Variants in PRKCH observed in about 807,000 individuals in gnomAD.
PRKCH encodes the protein protein kinase C eta type.
Under a neutral mutation model 82.5 loss-of-function variants are expected in PRKCH, and 28 were observed. That is an observed-to-expected ratio of 0.34 (90% confidence interval 0.25 to 0.47). PRKCH has a LOEUF of 0.47. PRKCH is among the 20% of genes least tolerant of loss of function. PRKCH has a pLI of 1.00. For missense variants in PRKCH, 705 were observed against 881.8 expected, an observed-to-expected ratio of 0.80 and a Z score of 2.54; for synonymous variants, 322 against 327.4, an observed-to-expected ratio of 0.98 and a Z score of 0.18.
At chr14:61,359,321 G>C (rs117233708) in intron 1 of PRKCH, among the ~76,000 whole-genome samples, 43 of 152,200 alleles carry the variant, frequency 2.8e-4, no homozygotes, top group African/African-American at 1.0e-3. Flanking sequence ...TGAGTTCCTA[G>C]TTCTACATGC....
chr14:61,474,994 CAA>C (rs921743202), intron 9 of PRKCH, among the ~76,000 whole-genome samples: 9 of 152,194 alleles, frequency 5.9e-5, no homozygotes, highest in Non-Finnish European at 8.8e-5. Flanking sequence ...TCTAACTGGG[CAA>C]AGTGTCTAAT....
Position 61,280,323 on chromosome 14 carries a change from C to G in PRKCH, c.-19+92655C>G, listed in dbSNP as rs1007677167. ...GGTAGGCGCCCCGCGGCAGCCCGGC[C>G]GAGTAGTTGCCCTGGCGGATGCGCG... On this transcript the variant is annotated intron_variant, in intron 1 of 3. Transcript: ENST00000555185. This position sits in a 1 kb window ranked among gnomAD's most constrained non-coding sequence, Gnocchi z 5.0. 8.7e-6 allele frequency: 14 copies of G among 1,613,770 alleles called. No individual in the cohort carries two copies. The highest frequency in any genetic ancestry group is 1.2e-5 in the Non-Finnish European group (14 of 1,179,962).
chr14:61,399,005 T>A (rs1458819608), intron 2 of PRKCH, among the ~76,000 whole-genome samples: 1 of 152,210 alleles, frequency 6.6e-6, no homozygotes, highest in African/African-American at 2.4e-5. Flanking sequence ...GTTATTTAGG[T>A]GTGATTGTGG....
At chr14:61,497,974 T>C (rs542584575) in intron 10 of PRKCH, among the ~76,000 whole-genome samples, 2 of 152,268 alleles carry the variant, frequency 1.3e-5, no homozygotes, top group East Asian at 3.9e-4. Flanking sequence ...TGTTCTGTAT[T>C]GAACAAGTGT....
chr14:61,196,870 C>G (rs1412983114), intron 1 of PRKCH, among the ~76,000 whole-genome samples: 2 of 152,152 alleles, frequency 1.3e-5, no homozygotes, highest in East Asian at 1.9e-4. Context: ...GTCTATTCAT[C>G]TTTTTTATTA....
intron 10 of PRKCH, among the ~76,000 whole-genome samples, chr14:61,506,069 C>T (rs1265156061): frequency 1.3e-5 from 2 of 152,104 alleles, no homozygotes; most frequent in Admixed American, 6.5e-5. Context: ...TCAATGCCTA[C>T]CAGGCCTGGT....
At chr14:61,406,794 T>C (rs1156439374) in intron 2 of PRKCH, among the ~76,000 whole-genome samples, 1 of 152,200 alleles carries the variant, frequency 6.6e-6, no homozygotes, top group Non-Finnish European at 1.5e-5. Context: ...TTTCTCAGCA[T>C]TGTGCCGAGC....
chr14:61,466,858 G>A (rs1885285796), intron 9 of PRKCH, among the ~76,000 whole-genome samples: 1 of 152,178 alleles, frequency 6.6e-6, no homozygotes, highest in Non-Finnish European at 1.5e-5. Context: ...GTTCCTGGCA[G>A]GACCATAGCT....
chr14:61,433,043 C>CAAAAAAAAAAAAAAAAA lies in PRKCH; in HGVS notation c.428-10066_428-10050dup, dbSNP rs34477992. The stretch of plus-strand genomic sequence containing the variant: ...CCCTCCCCTCACCCCCCAACCTCTT[C>CAAAAAAAAAAAAAAAAA]AAAAAAAAAAAAAAAAAACTATCAA... On this transcript the variant is annotated intron_variant, in intron 2 of 13. Transcript: ENST00000332981. Among the ~76,000 whole-genome samples, 87 of 110,938 alleles carry CAAAAAAAAAAAAAAAAA rather than the reference C, an allele frequency of 7.8e-4. 1 individual carries two copies. Among genetic ancestry groups the CAAAAAAAAAAAAAAAAA allele is most frequent in the African/African-American group, 3.1e-3 (84 of 26,858 alleles). 72.8% of individuals were successfully genotyped at this position (110,938 alleles called of 152,430 possible).
At chr14:61,339,420 T>A (rs928107853) in intron 1 of PRKCH, among the ~76,000 whole-genome samples, 6 of 148,364 alleles carry the variant, frequency 4.0e-5, no homozygotes, top group Middle Eastern at 3.4e-3. Context: ...GCCTCCCGGG[T>A]TCACGCCATT....
chr14:61,549,646 G>A (rs372687041), intron 13 of PRKCH, 39 bp from the exon 14 acceptor site: 11 of 1,602,054 alleles, frequency 6.9e-6, no homozygotes, highest in African/African-American at 4.0e-5. Context: ...AGCCTCAAGC[G>A]CAAAAATCTC....
chr14:61,293,812 G>A (rs1167311596), intron 1 of PRKCH, among the ~76,000 whole-genome samples: 1 of 152,188 alleles, frequency 6.6e-6, no homozygotes, highest in Admixed American at 6.5e-5. Context: ...CTGAACTTCA[G>A]TACTTCTCCA....
chr14:61,501,042 T>C (rs950107381), intron 10 of PRKCH, among the ~76,000 whole-genome samples: 3 of 152,164 alleles, frequency 2.0e-5, no homozygotes, highest in Admixed American at 6.5e-5. Flanking sequence ...ACCCCCACAA[T>C]GTACTGTAAT....
chr14:61,445,210 T>C (rs1436747282), intron 3 of PRKCH, among the ~76,000 whole-genome samples: 1 of 152,244 alleles, frequency 6.6e-6, no homozygotes. Flanking sequence ...GCAGCAACTC[T>C]GCCCACCTGT....
intron 2 of PRKCH, among the ~76,000 whole-genome samples, chr14:61,416,030 T>C (rs1882528805): frequency 6.8e-6 from 1 of 148,148 alleles, no homozygotes; most frequent in African/African-American, 2.5e-5. Context: ...CTCCCTTGCC[T>C]CTTTTTTCTT....
At chr14:61,473,646 G>A (rs540334633) in intron 9 of PRKCH, among the ~76,000 whole-genome samples, 48 of 152,148 alleles carry the variant, frequency 3.2e-4, no homozygotes, top group Non-Finnish European at 5.0e-4. Context: ...CACTTGAGAT[G>A]GGAGATCAGT....
intron 3 of PRKCH, among the ~76,000 whole-genome samples, chr14:61,444,285 A>G (rs1304990115): frequency 2.0e-5 from 3 of 152,066 alleles, no homozygotes; most frequent in Non-Finnish European, 4.4e-5. Context: ...TTTTGGGAAA[A>G]AATTAGCAGC....
At chr14:61,389,698 CAAAAA>C (rs112924735) in intron 1 of PRKCH, among the ~76,000 whole-genome samples, 1 of 104,794 alleles carries the variant, frequency 9.5e-6, no homozygotes, top group Non-Finnish European at 2.1e-5. Context: ...GACCCTGTCT[CAAAAA>C]AAAAAAAAAA....
At chr14:61,446,499 G>A (rs1884232321) in intron 4 of PRKCH, among the ~76,000 whole-genome samples, 1 of 152,348 alleles carries the variant, frequency 6.6e-6, no homozygotes, top group Non-Finnish European at 1.5e-5. Flanking sequence ...AGTAGCCTAT[G>A]TGTGGATAAG....
Sources: gnomAD v4.1 joint callset for allele counts (sites outside exome capture counted in the v4.1 genomes callset) on GRCh38, gnomAD v4.1.1 for gene constraint, Gnocchi (gnomAD v3.1) non-coding constraint, MANE v1.5 for transcripts, NCBI Gene and HGNC (gene_info 2026-07-23, HGNC 2026-07-21) for gene names.